The following SPATA7 variants were observed in gnomAD, a reference collection of about 807,000 sequenced individuals.
The protein encoded by SPATA7 is spermatogenesis associated 7, also known as spermatogenesis-associated protein 7.
In SPATA7, 43 loss-of-function variants were observed where a neutral mutation model predicts 51.8. The ratio of observed to expected loss-of-function variants is 0.83; its 90% CI spans 0.65 to 1.07. The LOEUF (loss-of-function observed/expected upper bound fraction) is 1.07. Ranked by LOEUF, SPATA7 falls within the 50% of genes least tolerant of loss-of-function variation. SPATA7 has a pLI of 0.00. For missense variants in SPATA7, 683 were observed against 701.3 expected, an observed-to-expected ratio of 0.97 and a Z score of 0.30; for synonymous variants, 230 against 252.8, an observed-to-expected ratio of 0.91 and a Z score of 0.86.
At chr14:88,398,059 G>T (rs1471949798) in intron 4 of SPATA7, among the ~76,000 whole-genome samples, 1 of 151,274 alleles carries the variant, frequency 6.6e-6, no homozygotes, top group African/African-American at 2.4e-5. Flanking sequence ...TCCAGCCTGG[G>T]CGAGAGAGCA....
At chr14:88,459,270 A>G (rs947524591), downstream of SPATA7, among the ~76,000 whole-genome samples, 6 of 152,144 alleles carry the variant, frequency 3.9e-5, no homozygotes, top group Admixed American at 3.9e-4. Context: ...CAATTCCTGG[A>G]TATCCTTGTT....
chr14:88,412,989 C>T (rs1192327528), intron 4 of SPATA7, among the ~76,000 whole-genome samples: 1 of 152,012 alleles, frequency 6.6e-6, no homozygotes, highest in African/African-American at 2.4e-5. Context: ...AGTTTGAAGT[C>T]GGGTAATGTG....
At chr14:88,424,335 CA>C (rs1301204952) in intron 5 of SPATA7, among the ~76,000 whole-genome samples, 1 of 152,136 alleles carries the variant, frequency 6.6e-6, no homozygotes, top group Non-Finnish European at 1.5e-5. Context: ...AAATAGGATA[CA>C]AGGTAGAAAT....
chr14:88,426,589 A>T lies in SPATA7; in HGVS notation c.730A>T (p.Thr244Ser). The T allele has an allele frequency of 6.2e-7, 1 of 1,614,172 alleles. No homozygotes were observed. ...CAAACAATTGCCATTCACTCCTCGC[A>T]CTTTAAAAACAGAAGCAAAATCTTT... Reference protein sequence around the residue: ...SNKQLPFTPRTLKTEAKSFLS... With the variant: ...SNKQLPFTPRSLKTEAKSFLS... Residue 244 changes from threonine (T) to serine (S), a missense_variant, in exon 6 of 12, where the codon ACT becomes TCT. By Grantham distance (58) the Thr-to-Ser change is moderately conservative. Transcript: ENST00000393545.
rs2076931522 is a variant in SPATA7 at position 88,431,205 on chromosome 14, A to T, written c.1062A>T (p.Ser354=). The T allele has an allele frequency of 6.2e-7, 1 of 1,613,568 alleles. No individual in the cohort carries two copies. The highest frequency in any genetic ancestry group is 8.5e-7 in the Non-Finnish European group (1 of 1,179,732). ...AMCQYSLKPP[S]TRKIYSDEEE... ...GTCAGTATTCCCTGAAGCCCCCTTC[A>T]ACTCGTAAAATCTACTCTGAGTAAG... The change falls in exon 9 of 12, where the codon TCA becomes TCT. Residue 354 remains serine (S), a synonymous_variant. Transcript: ENST00000393545.
In SPATA7 at chr14:88,438,025, A is replaced by G. The variant is rs146142429; in HGVS notation, c.1403A>G (p.Gln468Arg). ...ATTCAGCAGGAACGTCAACAATACCAAAAGGCTTTGGATATGTTATTGTCG... is the reference window on the plus strand; with the variant it reads ...ATTCAGCAGGAACGTCAACAATACCGAAAGGCTTTGGATATGTTATTGTCG... ...VTIQQERQQY[Q>R]KALDMLLSAP... The change falls in exon 12 of 12, where the codon CAA (glutamine) becomes CGA (arginine). Residue 468 changes from glutamine to arginine, a missense_variant. Transcript: ENST00000393545. 205 of 1,614,032 alleles carry G rather than the reference A, an allele frequency of 1.3e-4. No individual in the cohort carries two copies. The highest frequency in any genetic ancestry group is 1.7e-4 in the Non-Finnish European group (196 of 1,180,018).
downstream of SPATA7, among the ~76,000 whole-genome samples, chr14:88,443,391 A>G (rs1379323481): frequency 7.9e-5 from 12 of 152,106 alleles, no homozygotes; most frequent in Non-Finnish European, 1.6e-4. Context: ...TAGTTTATGC[A>G]TGTAAAGCTG....
intron 10 of SPATA7, among the ~76,000 whole-genome samples, chr14:88,435,543 G>A (rs1448456041): frequency 6.6e-6 from 1 of 151,954 alleles, no homozygotes; most frequent in African/African-American, 2.4e-5. Context: ...CTATGTTTTT[G>A]TACCCATTAA....
At chr14:88,446,234 T>G (rs1174396444) in intron 3 of SPATA7, among the ~76,000 whole-genome samples, 2 of 152,194 alleles carry the variant, frequency 1.3e-5, no homozygotes, top group Admixed American at 6.5e-5. Flanking sequence ...GTCCAGGAAT[T>G]TATCCATTTC....
chr14:88,462,628 C>T (rs2077324776), intron 4 of SPATA7, among the ~76,000 whole-genome samples: 1 of 152,180 alleles, frequency 6.6e-6, no homozygotes, highest in South Asian at 2.1e-4. Context: ...TCTATTAACA[C>T]TGAAATTATG....
chr14:88,426,456 T>C lies in SPATA7; in HGVS notation c.597T>C (p.Tyr199=), dbSNP rs760373460. The C allele has an allele frequency of 9.3e-6, 15 of 1,614,082 alleles. No homozygotes were observed. In the East Asian group the frequency reaches 3.1e-4, roughly 34 times the overall value. The stretch of plus-strand genomic sequence containing the variant: ...GGAAACTGAGCTCTGGAGCCCTGTA[T>C]GGCAGAAGGCCCAGAAGCACATTCC... ...GPRKLSSGAL[Y]GRRPRSTFPN... is the part of the protein sequence containing the mutation. The change falls in exon 6 of 12, where the codon TAT becomes TAC. Residue 199 remains tyrosine (Y), a synonymous_variant. Transcript: ENST00000393545.
chr14:88,464,071 C>T (rs2077336372), intron 4 of SPATA7, among the ~76,000 whole-genome samples: 2 of 152,070 alleles, frequency 1.3e-5, no homozygotes, highest in South Asian at 4.1e-4. Context: ...ATACTCCTGA[C>T]ATCGTGATCC....
chr14:88,456,052 A>T (rs866293884), downstream of SPATA7, among the ~76,000 whole-genome samples: 9 of 152,230 alleles, frequency 5.9e-5, no homozygotes, highest in Middle Eastern at 3.4e-3. Context: ...AAAGGACATG[A>T]ACTCATCATT....
chr14:88,399,382 T>C (rs1265857609), intron 4 of SPATA7, among the ~76,000 whole-genome samples: 1 of 152,152 alleles, frequency 6.6e-6, no homozygotes, highest in Admixed American at 6.5e-5. Context: ...GAAGGAAAAT[T>C]AGATTCAAAT....
At chr14:88,432,892 A>G (rs1250004532) in intron 9 of SPATA7, 7 of 426,834 alleles carry the variant, frequency 1.6e-5, no homozygotes, top group Non-Finnish European at 2.9e-5. Context: ...TTTTACTGCT[A>G]TGGATGTTGC....
chr14:88,437,871 G>T lies in SPATA7; in HGVS notation c.1249G>T (p.Val417Leu), dbSNP rs1353547274. Reference sequence around the variant, plus strand: ...GCGCCACCTGCTGCATGTCCTGAAAGTAGACTTAGGCTGCACATCGGAGGA... The same window carrying T: ...GCGCCACCTGCTGCATGTCCTGAAATTAGACTTAGGCTGCACATCGGAGGA... ...KMRHLLHVLK[V>L]DLGCTSEENS... The change falls in exon 12 of 12, where the codon GTA becomes TTA. Residue 417 changes from valine to leucine, a missense_variant. Physicochemically the swap from Val to Leu is conservative, Grantham distance 32. Transcript: ENST00000393545. 1.2e-6 allele frequency: 2 copies of T among 1,604,162 alleles called. No individual in the cohort carries two copies. The highest frequency in any genetic ancestry group is 2.7e-5 in the African/African-American group (2 of 74,314).
rs551127927 is a variant in SPATA7, at chr14:88,444,217, C to T, written c.177+6314C>T. ...GGTATCTCATTGTGGTTTTGATTTG[C>T]ATATCTCTGATGGCCAGTGATGGTG... On this transcript the variant is annotated intron_variant, in intron 3 of 3. Transcript: ENST00000554802. Among the ~76,000 whole-genome samples the T allele has an allele frequency of 2.1e-3, 315 of 152,170 alleles. 5 individuals carry two copies. The highest frequency in any genetic ancestry group is 7.2e-3 in the African/African-American group (298 of 41,418).
downstream of SPATA7, among the ~76,000 whole-genome samples, chr14:88,458,276 G>A (rs558013578): frequency 1.3e-5 from 2 of 152,012 alleles, no homozygotes; most frequent in Non-Finnish European, 2.9e-5. Flanking sequence ...CTTTTTCTAT[G>A]GATTGGAATA....
chr14:88,459,854 AG>A (rs1200703540), downstream of SPATA7, among the ~76,000 whole-genome samples: 1 of 152,132 alleles, frequency 6.6e-6, no homozygotes, highest in Non-Finnish European at 1.5e-5. Context: ...GGCTGGTACC[AG>A]TCGTTCCTTT....
Sources: allele counts gnomAD v4.1 joint callset (sites outside exome capture counted in the v4.1 genomes callset), GRCh38; gene constraint gnomAD v4.1.1; transcripts MANE v1.5; gene names NCBI Gene and HGNC (gene_info 2026-07-23, HGNC 2026-07-21).